Variants in HIPK2 observed in about 807,000 individuals in gnomAD.
The protein encoded by HIPK2 is homeodomain-interacting protein kinase 2.
Under a neutral mutation model 113.7 loss-of-function variants are expected in HIPK2, and 27 were observed. The ratio of observed to expected loss-of-function variants is 0.24; its 90% confidence interval spans 0.17 to 0.33. The LOEUF is 0.33. HIPK2 is among the 10% of genes least tolerant of loss of function. The pLI is 1.00. For missense variants in HIPK2, 1,257 were observed against 1,588.0 expected, an observed-to-expected ratio of 0.79 and a Z score of 3.54; for synonymous variants, 631 against 642.2, an observed-to-expected ratio of 0.98 and a Z score of 0.26.
At chr7:139,705,874 A>G (rs1794880763) in intron 2 of HIPK2, among the ~76,000 whole-genome samples, 1 of 151,992 alleles carries the variant, frequency 6.6e-6, no homozygotes, top group Non-Finnish European at 1.5e-5. Flanking sequence ...AGTGCTCACT[A>G]TGTGCCAGGC....
At chr7:139,769,353 C>CTCCATCTCCA (rs1203472472) in intron 1 of HIPK2, among the ~76,000 whole-genome samples, 44 of 151,506 alleles carry the variant, frequency 2.9e-4, no homozygotes, top group Admixed American at 4.6e-4. Flanking sequence ...CATGGCCCAC[C>CTCCATCTCCA]CCTGGCTGTC....
At chr7:139,734,087 G>C (rs1252155643) in intron 1 of HIPK2, among the ~76,000 whole-genome samples, 1 of 152,230 alleles carries the variant, frequency 6.6e-6, no homozygotes, top group East Asian at 1.9e-4. Flanking sequence ...ACGTGGTTTA[G>C]TGTAATTCTA....
chr7:139,610,541 CA>C (rs1298176840), intron 9 of HIPK2, among the ~76,000 whole-genome samples: 3 of 152,188 alleles, frequency 2.0e-5, no homozygotes, highest in Admixed American at 1.3e-4. Flanking sequence ...GTTTTAAATA[CA>C]AAAAGTTCTC....
intron 7 of HIPK2, among the ~76,000 whole-genome samples, chr7:139,617,798 G>C (rs540104206): frequency 6.6e-6 from 1 of 152,202 alleles, no homozygotes; most frequent in Non-Finnish European, 1.5e-5. Context: ...TCTTTAAGTA[G>C]TTTAATGTCC....
intron 2 of HIPK2, among the ~76,000 whole-genome samples, chr7:139,710,819 G>T (rs550703343): frequency 2.0e-5 from 3 of 152,212 alleles, no homozygotes; most frequent in African/African-American, 7.2e-5. Flanking sequence ...TCTTGTGATT[G>T]TGAGTTCTCA....
At chr7:139,645,684 G>A (rs187531247) in intron 2 of HIPK2, among the ~76,000 whole-genome samples, 3 of 152,308 alleles carry the variant, frequency 2.0e-5, no homozygotes, top group East Asian at 3.9e-4. Flanking sequence ...CCAGGTGGAT[G>A]AGGCTGGCCT....
chr7:139,620,931 T>C (rs182056533), intron 6 of HIPK2, among the ~76,000 whole-genome samples: 55 of 152,338 alleles, frequency 3.6e-4, no homozygotes, highest in African/African-American at 1.3e-3. Context: ...ATAAGCTCTC[T>C]GAATGGGAAC....
intron 2 of HIPK2, among the ~76,000 whole-genome samples, chr7:139,634,522 T>C (rs1175742603): frequency 1.3e-5 from 2 of 152,104 alleles, no homozygotes; most frequent in African/African-American, 2.4e-5. Flanking sequence ...TGTGTCAGTG[T>C]TGGCCACATA....
rs1435102184 is a variant in HIPK2 at position 139,572,647 on chromosome 7, A to G, written c.*280T>C. 5 of 338,140 alleles carry G rather than the reference A, an allele frequency of 1.5e-5. No individual in the cohort carries two copies. Among genetic ancestry groups the G allele is most frequent in the Non-Finnish European group, 2.6e-5 (5 of 189,708 alleles). 20.9% of individuals were successfully genotyped at this position (338,140 alleles called of 1,614,324 possible). A position where few individuals can be genotyped will look rare whatever the true frequency, so the allele number is the denominator to read the frequency against. The stretch of plus-strand genomic sequence containing the variant: ...CTTTTTCTTTTTTAAAATAAAAACC[A>G]TAGATTTCCCACCCTCTTTAATCCC... On this transcript the variant is annotated 3_prime_UTR_variant, in exon 15 of 15. Transcript: ENST00000406875.
At chr7:139,731,231 C>T (rs1018693358) in intron 1 of HIPK2, among the ~76,000 whole-genome samples, 1 of 152,200 alleles carries the variant, frequency 6.6e-6, no homozygotes, top group Non-Finnish European at 1.5e-5. Context: ...GCAGGTTGCC[C>T]TCTCAGCCTC....
intron 1 of HIPK2, chr7:139,777,259 T>G (rs908111037): frequency 6.6e-6 from 1 of 150,984 alleles, no homozygotes; most frequent in Non-Finnish European, 1.5e-5. Context: ...GGGGGGGCGG[T>G]GGAAGCTAAG....
In HIPK2 at chr7:139,776,234, G is replaced by A. The variant is rs193287192; in HGVS notation, c.19+1371C>T. Among the ~76,000 whole-genome samples the A allele has an allele frequency of 2.0e-5, 3 of 152,098 alleles. No individual in the cohort carries two copies. The East Asian group carries it at 5.8e-4, about 29-fold the overall frequency. The stretch of plus-strand genomic sequence containing the variant: ...TTCAGAATCAAAGAGGAAAGCCCCT[G>A]GAATAACATCTCTCTGTTGCCTTCT... On this transcript the variant is annotated intron_variant, in intron 1 of 14. Transcript: ENST00000406875.
At chr7:139,652,499 G>A (rs543836059) in intron 2 of HIPK2, among the ~76,000 whole-genome samples, 14 of 152,280 alleles carry the variant, frequency 9.2e-5, no homozygotes, top group Admixed American at 4.6e-4. Context: ...TTATCATCTC[G>A]TGTACACGTA....
At position 139,572,782 on chromosome 7, in the gene HIPK2, GCCCCT is replaced by G. The variant is rs1798334955; in HGVS notation, c.*140_*144del. ...GCCCTCTGCCCCCCCCCCCCCCCCCGCCCCTGCCCCGTTTGCATTGTTTGTGTGCG... is the reference window on the plus strand; with the variant it reads ...GCCCTCTGCCCCCCCCCCCCCCCCCGGCCCCGTTTGCATTGTTTGTGTGCG... On this transcript the variant is annotated 3_prime_UTR_variant, in exon 15 of 15. Coordinates refer to ENST00000406875, the MANE Select transcript of HIPK2 (RefSeq NM_022740.5). The G allele has an allele frequency of 9.7e-6, 1 of 103,492 alleles. No homozygotes were observed. The highest frequency in any genetic ancestry group is 1.7e-4 in the Admixed American group (1 of 5,728). The allele number at this position is 103,492 out of a possible 1,614,324, so 6.4% of individuals were successfully genotyped here. A position where few individuals can be genotyped will look rare whatever the true frequency, so the allele number is the denominator to read the frequency against.
chr7:139,674,844 G>A (rs1394971361), intron 2 of HIPK2, among the ~76,000 whole-genome samples: 1 of 152,176 alleles, frequency 6.6e-6, no homozygotes, highest in Non-Finnish European at 1.5e-5. Flanking sequence ...TTACGATGAA[G>A]ATGTAAAAGA....
At chr7:139,579,803 G>C (rs879070605) in intron 13 of HIPK2, among the ~76,000 whole-genome samples, 1 of 152,160 alleles carries the variant, frequency 6.6e-6, no homozygotes, top group Admixed American at 6.5e-5. Flanking sequence ...AAATCCAACC[G>C]TGCATTTGCG....
At chr7:139,632,577 T>C in intron 2 of HIPK2, among the ~76,000 whole-genome samples, 1 of 152,148 alleles carries the variant, frequency 6.6e-6, no homozygotes, top group East Asian at 1.9e-4. Flanking sequence ...ATGAACAACC[T>C]GTTCCTGAAT....
chr7:139,706,940 G>A (rs1287591215), intron 2 of HIPK2, among the ~76,000 whole-genome samples: 3 of 152,178 alleles, frequency 2.0e-5, no homozygotes, highest in African/African-American at 7.2e-5. Context: ...CTGCTTCAGA[G>A]CCACCTCTGA....
At chr7:139,634,302 G>A (rs931485088) in intron 2 of HIPK2, among the ~76,000 whole-genome samples, 7 of 152,056 alleles carry the variant, frequency 4.6e-5, no homozygotes, top group Admixed American at 1.3e-4. Context: ...GCTGCTGGGC[G>A]TCTTCAGCTG....
Sources: allele counts gnomAD v4.1 joint callset (sites outside exome capture counted in the v4.1 genomes callset), GRCh38; gene constraint gnomAD v4.1.1; transcripts MANE v1.5; gene names NCBI Gene and HGNC (gene_info 2026-07-23, HGNC 2026-07-21).